The following LDHD variants were observed in gnomAD, a reference collection of about 807,000 sequenced individuals.
LDHD encodes the protein D-lactate dehydrogenase, mitochondrial.
LDHD carries 58 observed loss-of-function variants against 52.9 expected under a neutral mutation model. That is an observed-to-expected ratio of 1.10 (90% CI 0.89 to 1.36). The LOEUF (loss-of-function observed/expected upper bound fraction) is 1.36, where lower values mean the gene tolerates loss of function less well. Among genes scored for constraint, LDHD ranks in the 40% most tolerant of loss-of-function variants. The pLI is 0.00. For synonymous variants in LDHD, 350 were observed against 288.6 expected (o/e 1.21, Z -2.16); for missense variants, 747 against 668.0 (o/e 1.12, Z -1.30).
rs774637452 is a variant in LDHD, at chr16:75,113,603, G to C, written c.1018C>G (p.Arg340Gly). 66 of 1,613,156 alleles carry C rather than the reference G, an allele frequency of 4.1e-5. No homozygotes were observed. The South Asian group carries it at 6.9e-4, about 17-fold the overall frequency. ...DFSWAKEAEE[R>G]SRLWTARHNA... ...TGCCGTGCTGTCCAAAGCCGGCTGC[G>C]CTCCTCGGCCTCCTTGGCCCAGGAG... Residue 340 changes from arginine (R) to glycine (G), a missense_variant, in exon 8 of 11, where the codon CGC becomes GGC. Physicochemically the swap from Arg to Gly is moderately radical, Grantham distance 125. Coordinates refer to ENST00000450168, the MANE Select transcript of LDHD (RefSeq NM_194436.3).
chr16:75,114,167 T>C lies in LDHD; in HGVS notation c.630-2A>G. 7 of 1,612,198 alleles carry C rather than the reference T, an allele frequency of 4.3e-6. No homozygotes were observed. Among genetic ancestry groups the C allele is most frequent in the Non-Finnish European group, 5.9e-6 (7 of 1,179,968 alleles). ...AGGTTGTAGCCGGCTGCACTCTTCC[T>C]ACGTCCCAGGGACACACAAGGTGAG... is the stretch of plus-strand genomic sequence containing the variant. On this transcript the variant is annotated splice_acceptor_variant, in intron 5 of 10. Transcript: ENST00000450168. LOFTEE classifies it high-confidence loss of function.
chr16:75,115,534 G>T lies in LDHD; in HGVS notation c.185+14C>A, dbSNP rs1597924924. ...TCCAGAAGACAGGGGAGGGGCCCGC[G>T]AACCCTCCCATACCTGTGCACCGAC... On this transcript the variant is annotated intron_variant, in intron 2 of 10. Coordinates refer to ENST00000450168, the MANE Select transcript of LDHD (RefSeq NM_194436.3). 1 of 1,610,978 alleles carries T rather than the reference G, an allele frequency of 6.2e-7. No homozygotes were observed. The highest frequency in any genetic ancestry group is 8.5e-7 in the Non-Finnish European group (1 of 1,178,246).
chr16:75,113,989 G>T lies in LDHD; in HGVS notation c.806C>A (p.Ala269Asp), dbSNP rs1213585199. 6.3e-7 allele frequency: 1 copy of T among 1,599,780 alleles called. No individual in the cohort carries two copies. Among genetic ancestry groups the T allele is most frequent in the Admixed American group, 1.7e-5 (1 of 59,412 alleles). ...ACCAATGCGGGCTACGGGCACTGCA[G>T]CCTGGAGGATGTGTACAGTGCTGTC... ...AVDSTVHILQAAVPVARIEFL... is the reference protein window; with the variant it reads ...AVDSTVHILQDAVPVARIEFL... The change falls in exon 6 of 11, where the codon GCT (alanine) becomes GAT (aspartate). Residue 269 changes from alanine to aspartate, a missense_variant. Transcript: ENST00000450168.
At position 75,112,992 on chromosome 16, in the gene LDHD, T is replaced by G; in HGVS notation, c.1087-68A>C. 3.3e-6 allele frequency: 4 copies of G among 1,195,018 alleles called. No homozygotes were observed. The East Asian group carries it at 7.3e-5, about 22-fold the overall frequency. 74.0% of individuals were successfully genotyped at this position (1,195,018 alleles called of 1,614,324 possible). A position where few individuals can be genotyped will look rare whatever the true frequency, so the allele number is the denominator to read the frequency against. On this transcript the variant is annotated intron_variant, in intron 8 of 10. Transcript: ENST00000450168. ...TGTACGGGGTCACCGTGGTCAAGGC[T>G]GAGGATGGGTCGGAGGGCACTGGGC...
chr16:75,114,410 C>T (rs1348866942), intron 5 of LDHD, 116 bp downstream of exon 5: 44 of 1,367,230 alleles, frequency 3.2e-5, no homozygotes, highest in Non-Finnish European at 4.3e-5. Flanking sequence ...CTGAGGAAGC[C>T]TAGCCTGCCA....
In LDHD at chr16:75,112,638, A is replaced by C. The variant is rs769500270; in HGVS notation, c.1253T>G (p.Leu418Arg). Residue 418 changes from leucine to arginine, a missense_variant, in exon 10 of 11, where the codon CTG (leucine) becomes CGG (arginine). Physicochemically the swap from Leu to Arg is moderately radical, Grantham distance 102. Coordinates refer to ENST00000450168, the MANE Select transcript of LDHD (RefSeq NM_194436.3). ...LLVNPDDAEE[L>R]GRVKAFAEQL... The stretch of plus-strand genomic sequence containing the variant: ...TTCTGCAAAAGCCTTGACCCTGCCC[A>C]GTTCCTCGGCGTCATCAGGGTTGAC... The C allele has an allele frequency of 6.2e-6, 10 of 1,613,972 alleles. No individual in the cohort carries two copies. Among genetic ancestry groups the C allele is most frequent in the South Asian group, 1.1e-5 (1 of 91,088 alleles).
Position 75,116,730 on chromosome 16 carries a change from C to A in LDHD, c.-10G>T. ...TGAGCAGTCGGGCCATAGCCAGGCA[C>A]TGGCCAGAGGGTGTGAGCACTGGGT... On this transcript the variant is annotated 5_prime_UTR_variant, in exon 1 of 11. Coordinates refer to ENST00000450168, the MANE Select transcript of LDHD (RefSeq NM_194436.3). 1 of 1,578,768 alleles carries A rather than the reference C, an allele frequency of 6.3e-7. No homozygotes were observed. Among genetic ancestry groups the A allele is most frequent in the Non-Finnish European group, 8.6e-7 (1 of 1,166,170 alleles).
Position 75,114,576 on chromosome 16 carries a change from C to A in LDHD, c.579G>T (p.Val193=). The part of the protein sequence containing the change: ...MRDNVLNLEV[V]LPDGRLLHTA... ...TGTGCAGCAGCCGCCCGTCGGGCAG[C>A]ACCACCTCCAGGTTGAGCACGTTGT... The change falls in exon 5 of 11, where the codon GTG becomes GTT. Residue 193 remains valine (V), a synonymous_variant. Coordinates refer to ENST00000450168, the MANE Select transcript of LDHD (RefSeq NM_194436.3). 1 of 1,532,296 alleles carries A rather than the reference C, an allele frequency of 6.5e-7. No homozygotes were observed. Among genetic ancestry groups the A allele is most frequent in the East Asian group, 2.5e-5 (1 of 40,778 alleles). The allele number at this position is 1,532,296 out of a possible 1,614,324, so 94.9% of individuals were successfully genotyped here.
At chr16:75,114,777 C>T in intron 4 of LDHD, 50 bp downstream of exon 4, 1 of 1,593,840 alleles carries the variant, frequency 6.3e-7, no homozygotes, top group Non-Finnish European at 8.5e-7. Context: ...CAGACACAGC[C>T]CTGCTCCCAC....
rs1319908473 is a variant in LDHD at position 75,115,273 on chromosome 16, C to G, written c.252G>C (p.Leu84=). The G allele has an allele frequency of 2.5e-6, 4 of 1,613,420 alleles. No individual in the cohort carries two copies. Among genetic ancestry groups the G allele is most frequent in the Non-Finnish European group, 3.4e-6 (4 of 1,180,026 alleles). The change falls in exon 3 of 11, where the codon CTG becomes CTC. Residue 84 remains leucine, a synonymous_variant. Transcript: ENST00000450168. ...TGATGGGCACACCTTGGCGATAGCA[C>G]AGGGCTGCCAGCCGGCTGACCTGCT... ...NVEQVSRLAA[L]CYRQGVPIIP...
chr16:75,113,088 C>T (rs2036445998), intron 8 of LDHD, among the ~76,000 whole-genome samples, 164 bp from the exon 9 acceptor site: 1 of 152,120 alleles, frequency 6.6e-6, no homozygotes, highest in Admixed American at 6.5e-5. Flanking sequence ...CTCCCCCCGA[C>T]ACAACACAGG....
chr16:75,114,858 G>A lies in LDHD; in HGVS notation c.438C>T (p.His146=), dbSNP rs1051629892. ...GAAACCAGAGGCCGCTGTCCCGCAGGTGGGCGTTGAGGGCTTTGCGGGTGA... is the reference window on the plus strand; with the variant it reads ...GAAACCAGAGGCCGCTGTCCCGCAGATGGGCGTTGAGGGCTTTGCGGGTGA... ...PGVTRKALNA[H]LRDSGLWFPV... is the part of the protein sequence containing the mutation. Residue 146 remains histidine (H), a synonymous_variant, in exon 4 of 11, where the codon CAC becomes CAT. Coordinates refer to ENST00000450168, the MANE Select transcript of LDHD (RefSeq NM_194436.3). 3.7e-6 allele frequency: 6 copies of A among 1,613,806 alleles called. No individual in the cohort carries two copies. The highest frequency in any genetic ancestry group is 2.7e-5 in the African/African-American group (2 of 74,936).
chr16:75,114,494 C>T (rs1279846829), intron 5 of LDHD, 32 bp downstream of exon 5: 3 of 1,475,540 alleles, frequency 2.0e-6, no homozygotes, highest in East Asian at 2.5e-5. Context: ...TGCCCAGGGC[C>T]AGAGCCCGGG....
intron 8 of LDHD, 68 bp downstream of exon 8, chr16:75,113,467 G>C: frequency 6.6e-7 from 1 of 1,524,766 alleles, no homozygotes; most frequent in Non-Finnish European, 8.8e-7. Flanking sequence ...GTGCAGTAGA[G>C]TGGTGGGTTG....
Position 75,115,649 on chromosome 16 carries a change from G to A in LDHD, c.84C>T (p.Cys28=), listed in dbSNP as rs1277984032. 8 of 1,604,916 alleles carry A rather than the reference G, an allele frequency of 5.0e-6. No individual in the cohort carries two copies. Among genetic ancestry groups the A allele is most frequent in the Non-Finnish European group, 6.8e-6 (8 of 1,174,838 alleles). Residue 28 remains cysteine (C), a synonymous_variant, in exon 2 of 11, where the codon TGC becomes TGT. Coordinates refer to ENST00000450168, the MANE Select transcript of LDHD (RefSeq NM_194436.3). Reference sequence around the variant, plus strand: ...CCTTCAGAGCCTCTACGAAGTCCCTGCAGAGCTCTCCCTGCAGGGAAGAAA... The same window carrying A: ...CCTTCAGAGCCTCTACGAAGTCCCTACAGAGCTCTCCCTGCAGGGAAGAAA... ...YCSQKAKGEL[C]RDFVEALKAV...
At position 75,112,471 on chromosome 16, in the gene LDHD, A is replaced by G; in HGVS notation, c.1340T>C (p.Met447Thr). The stretch of plus-strand genomic sequence containing the variant: ...CTCCTGCAGCAGCTGCCGCTTGCCC[A>G]TTCCGATGCCATGCTCCCCCGTGCA... The part of the protein sequence containing the change: ...GTCTGEHGIG[M>T]GKRQLLQEEV... The change falls in exon 11 of 11, where the codon ATG becomes ACG. Residue 447 changes from methionine to threonine, a missense_variant. By Grantham distance (81) the Met-to-Thr change is moderately conservative (BLOSUM62 -1). Transcript: ENST00000450168. The G allele has an allele frequency of 6.2e-7, 1 of 1,613,390 alleles. No homozygotes were observed. The highest frequency in any genetic ancestry group is 2.2e-5 in the East Asian group (1 of 44,868).
chr16:75,113,917 G>A, intron 6 of LDHD, 47 bp from the exon 7 acceptor site: 1 of 1,611,266 alleles, frequency 6.2e-7, no homozygotes, highest in South Asian at 1.1e-5. Flanking sequence ...GCCTTCCCAG[G>A]GGGCCTCTTC....
In LDHD at chr16:75,116,674, C is replaced by A; in HGVS notation, c.47G>T (p.Arg16Met). 6.2e-7 allele frequency: 1 copy of A among 1,604,082 alleles called. No individual in the cohort carries two copies. Among genetic ancestry groups the A allele is most frequent in the Non-Finnish European group, 8.5e-7 (1 of 1,175,950 alleles). The change falls in exon 1 of 11, where the codon AGG becomes ATG. Residue 16 changes from arginine to methionine, a missense_variant. Arg to Met is a moderately conservative substitution (Grantham distance 91). Transcript: ENST00000450168. ...CTTTGCCTTCTGGGAGCAGTAGCCC[C>A]TCCAGGGGAACAGCTCCCAGGTTGC... is the stretch of plus-strand genomic sequence containing the variant. ...RSATWELFPW[R>M]GYCSQKAKGE...
At chr16:75,113,463 T>C in intron 8 of LDHD, 72 bp downstream of exon 8, 1 of 1,512,826 alleles carries the variant, frequency 6.6e-7, no homozygotes, top group Non-Finnish European at 8.8e-7. Context: ...CTCTGTGCAG[T>C]AGAGTGGTGG....
Sources: allele counts gnomAD v4.1 joint callset (sites outside exome capture counted in the v4.1 genomes callset), GRCh38; gene constraint gnomAD v4.1.1; transcripts MANE v1.5; gene names NCBI Gene and HGNC (gene_info 2026-07-23, HGNC 2026-07-21).